The following MUC13 variants were observed in gnomAD, a reference collection of about 807,000 sequenced individuals.
MUC13 encodes mucin-13.
In MUC13, 32 loss-of-function variants were observed where a neutral mutation model predicts 48.3. That is an observed-to-expected ratio of 0.66 (90% CI 0.50 to 0.89). MUC13 has a LOEUF of 0.89. Ranked by LOEUF, MUC13 falls within the 40% of genes least tolerant of loss-of-function variation. The pLI is 0.00. For synonymous variants in MUC13, 199 were observed against 224.9 expected (o/e 0.88, Z 1.03); for missense variants, 571 against 622.8 (o/e 0.92, Z 0.88).
chr3:124,928,558 G>C (rs1935736080), intron 1 of MUC13, among the ~76,000 whole-genome samples: 1 of 151,792 alleles, frequency 6.6e-6, no homozygotes, highest in African/African-American at 2.4e-5. Context: ...TTTTTTGTGT[G>C]TTTTAGAGAT....
In MUC13 at chr3:124,927,972, G is replaced by T. The variant is rs1358085785; in HGVS notation, c.74C>A (p.Ala25Asp). The T allele has an allele frequency of 5.8e-6, 9 of 1,559,658 alleles. No individual in the cohort carries two copies. The highest frequency in any genetic ancestry group is 2.2e-5 in the East Asian group (1 of 44,520). ...VNTATNQGNS[A>D]DAVTTTETAT... is the part of the protein sequence containing the mutation. ...AGTTTCTGTGGTTGTTACAGCATCA[G>T]CTGAGTTGCCTTGGTTGGTGGCTGG... Residue 25 changes from alanine to aspartate, a missense_variant, in exon 2 of 12, where the codon GCT becomes GAT. Transcript: ENST00000616727.
intron 11 of MUC13, among the ~76,000 whole-genome samples, chr3:124,907,197 G>T (rs1227769221): frequency 6.6e-6 from 1 of 152,088 alleles, no homozygotes. Context: ...TTGTAAAAAT[G>T]GGGTCTCATT....
At chr3:124,909,642 C>A (rs892067290) in intron 10 of MUC13, among the ~76,000 whole-genome samples, 1 of 151,850 alleles carries the variant, frequency 6.6e-6, no homozygotes, top group East Asian at 1.9e-4. Context: ...AGCAGGATTA[C>A]AGGGGTGCCA....
At chr3:124,912,312 C>A in intron 8 of MUC13, 171 bp from the exon 9 acceptor site, 1 of 970,444 alleles carries the variant, frequency 1.0e-6, no homozygotes, top group Non-Finnish European at 1.5e-6. Context: ...TTCCAGGAGA[C>A]CACCTTCCAT....
At position 124,927,986 on chromosome 3, in the gene MUC13, G is replaced by A. The variant is rs547450074; in HGVS notation, c.60C>T (p.Asn20=). ...TTACAGCATCAGCTGAGTTGCCTTGGTTGGTGGCTGGAGGAACAAAGATAC... is the reference window on the plus strand; with the variant it reads ...TTACAGCATCAGCTGAGTTGCCTTGATTGGTGGCTGGAGGAACAAAGATAC... ...LALLSVNTAT[N]QGNSADAVTT... Residue 20 remains asparagine, a synonymous_variant, in exon 2 of 12, where the codon AAC becomes AAT. Coordinates refer to ENST00000616727, the MANE Select transcript of MUC13 (RefSeq NM_033049.4). 28 of 1,544,860 alleles carry A rather than the reference G, an allele frequency of 1.8e-5. No individual in the cohort carries two copies. Among genetic ancestry groups the A allele is most frequent in the Non-Finnish European group, 2.4e-5 (28 of 1,148,506 alleles).
chr3:124,919,101 G>C (rs575797411), intron 5 of MUC13, among the ~76,000 whole-genome samples: 2 of 152,162 alleles, frequency 1.3e-5, no homozygotes, highest in East Asian at 3.9e-4. Flanking sequence ...ACTTTGGGAG[G>C]CCGAGGCGGG....
intron 3 of MUC13, 58 bp downstream of exon 3, chr3:124,923,469 G>A (rs1225282214): frequency 1.2e-5 from 19 of 1,547,754 alleles, no homozygotes; most frequent in Admixed American, 4.1e-5. Flanking sequence ...TTGAGTTTTC[G>A]ATTCCACTTT....
At position 124,923,626 on chromosome 3, in the gene MUC13, C is replaced by T. The variant is rs140710630; in HGVS notation, c.538G>A (p.Asp180Asn). 1.9e-6 allele frequency: 3 copies of T among 1,613,548 alleles called. No homozygotes were observed. The African/African-American group carries it at 4.0e-5, about 22-fold the overall frequency. The change falls in exon 3 of 12, where the codon GAT becomes AAT. Residue 180 changes from aspartate (D) to asparagine (N), a missense_variant. Asp to Asn is a conservative substitution (Grantham distance 23). Coordinates refer to ENST00000616727, the MANE Select transcript of MUC13 (RefSeq NM_033049.4). ...CATAACGAATTATCTGCACAGGGAT[C>T]ATCTTGGCAAGGATTGCTGGGACCT... ...STGPSNPCQDDPCADNSLCVK... is the reference protein window; with the variant it reads ...STGPSNPCQDNPCADNSLCVK...
chr3:124,907,182 A>AT (rs1323218012), intron 11 of MUC13, among the ~76,000 whole-genome samples: 13 of 152,142 alleles, frequency 8.5e-5, no homozygotes, highest in Admixed American at 8.5e-4. Flanking sequence ...TATTATTATT[A>AT]TTTTTTGTAA....
chr3:124,912,244 T>C, intron 8 of MUC13, 103 bp from the exon 9 acceptor site: 1 of 1,510,426 alleles, frequency 6.6e-7, no homozygotes, highest in East Asian at 2.4e-5. Context: ...ATCTTCCTTT[T>C]ATTCTGTCCT....
intron 6 of MUC13, 111 bp from the exon 7 acceptor site, chr3:124,913,792 TG>T (rs756574064): frequency 1.6e-5 from 20 of 1,221,008 alleles, no homozygotes; most frequent in Non-Finnish European, 2.3e-5. Context: ...TAATAAGTTT[TG>T]GGGCCAAGTG....
In MUC13 at chr3:124,916,565, C is replaced by T. The variant is rs374702423; in HGVS notation, c.801-85G>A. ...TAATCTCCCAGACTCCCGAATCTCC[C>T]GGCCCTAGTCCTGACCCGCTGTCCT... On this transcript the variant is annotated intron_variant, in intron 5 of 11. Coordinates refer to ENST00000616727, the MANE Select transcript of MUC13 (RefSeq NM_033049.4). 14 of 1,409,800 alleles carry T rather than the reference C, an allele frequency of 9.9e-6. No homozygotes were observed. The Admixed American group carries it at 1.0e-4, about 10-fold the overall frequency. 87.3% of individuals were successfully genotyped at this position (1,409,800 alleles called of 1,614,324 possible).
At chr3:124,914,666 C>T (rs1308342881) in intron 6 of MUC13, among the ~76,000 whole-genome samples, 1 of 152,102 alleles carries the variant, frequency 6.6e-6, no homozygotes, top group African/African-American at 2.4e-5. Flanking sequence ...GTGGCTCACA[C>T]CTGTAATCCC....
rs369802870 is a variant in MUC13, at chr3:124,910,358, A to ACC, written c.1337+55_1337+56dup. 236 of 1,576,136 alleles carry ACC rather than the reference A, an allele frequency of 1.5e-4. No homozygotes were observed. The African/African-American group carries it at 2.8e-3, about 19-fold the overall frequency. Reference sequence around the variant, plus strand: ...AGACCAACATGGGCAACATAGTGAGACCCCCCCATCTCTCTATAAAAAAAA... The same window carrying ACC: ...AGACCAACATGGGCAACATAGTGAGACCCCCCCCCATCTCTCTATAAAAAAAA... On this transcript the variant is annotated intron_variant, in intron 10 of 11. Coordinates refer to ENST00000616727, the MANE Select transcript of MUC13 (RefSeq NM_033049.4).
At chr3:124,923,851 G>C (rs1935645834) in intron 2 of MUC13, among the ~76,000 whole-genome samples, 1 of 152,142 alleles carries the variant, frequency 6.6e-6, no homozygotes, top group Admixed American at 6.6e-5. Flanking sequence ...AAATTCTAGA[G>C]CCAAGTATAA....
At chr3:124,924,332 C>T (rs1935654358) in intron 2 of MUC13, among the ~76,000 whole-genome samples, 1 of 152,202 alleles carries the variant, frequency 6.6e-6, no homozygotes. Context: ...CAGGGTGTAG[C>T]ATCTTTCTTT....
chr3:124,923,434 T>G, intron 3 of MUC13, 93 bp downstream of exon 3: 1 of 1,365,084 alleles, frequency 7.3e-7, no homozygotes, highest in Non-Finnish European at 1.0e-6. Flanking sequence ...TCTCTCATAT[T>G]TTGGAATCTC....
chr3:124,913,216 G>T lies in MUC13; in HGVS notation c.1109C>A (p.Ala370Asp). 6.2e-7 allele frequency: 1 copy of T among 1,613,308 alleles called. No individual in the cohort carries two copies. The highest frequency in any genetic ancestry group is 8.5e-7 in the Non-Finnish European group (1 of 1,179,382). The change falls in exon 8 of 12, where the codon GCC (alanine) becomes GAC (aspartate). Residue 370 changes from alanine to aspartate, a missense_variant. Ala to Asp is a moderately radical substitution (Grantham distance 126, BLOSUM62 -2). Transcript: ENST00000616727. ...GCATTGCTTGTGCTGTGCGTTGCAG[G>T]CATCAGGACACTTGAGACTGGAAGC... ...CVASSLKCPDACNAQHKQCLI... is the reference protein window; with the variant it reads ...CVASSLKCPDDCNAQHKQCLI...
rs1935451638 is a variant in MUC13, at chr3:124,913,131, A to G, written c.1194T>C (p.Asp398=). ...CTTACTTTTGGCAGTTCCCATTAGC[A>G]TCTTCCTGGTAGCCGGGCACGCACG... ...ECACVPGYQE[D]ANGNCQKCAF... is the part of the protein sequence containing the mutation. The change falls in exon 8 of 12, where the codon GAT becomes GAC. Residue 398 remains aspartate, a synonymous_variant. Transcript: ENST00000616727. The G allele has an allele frequency of 1.9e-6, 3 of 1,613,870 alleles. No homozygotes were observed. Among genetic ancestry groups the G allele is most frequent in the Non-Finnish European group, 1.7e-6 (2 of 1,179,990 alleles).
Sources: gnomAD v4.1 joint callset for allele counts (sites outside exome capture counted in the v4.1 genomes callset) on GRCh38, gnomAD v4.1.1 for gene constraint, MANE v1.5 for transcripts, NCBI Gene and HGNC (gene_info 2026-07-23, HGNC 2026-07-21) for gene names.